The following PTPN12 variants were observed in gnomAD, a reference collection of about 807,000 sequenced individuals.
PTPN12 encodes the protein protein tyrosine phosphatase non-receptor type 12, also known as tyrosine-protein phosphatase non-receptor type 12.
Under a neutral mutation model 97.6 loss-of-function variants are expected in PTPN12, and 29 were observed. That is an observed-to-expected ratio of 0.30 (90% CI 0.22 to 0.41). PTPN12 has a LOEUF of 0.41. Among genes scored for constraint, PTPN12 ranks in the 10% least tolerant of loss-of-function variants. The pLI is 1.00. For synonymous variants in PTPN12, 327 were observed against 300.4 expected (o/e 1.09, Z -0.91); for missense variants, 819 against 926.0 (o/e 0.88, Z 1.50).
chr7:77,625,472 G>GCTCGCTCGCGCGCGCTCTCTCT, intron 12 of PTPN12, among the ~76,000 whole-genome samples: 8 of 33,524 alleles, frequency 2.4e-4, no homozygotes, highest in Non-Finnish European at 4.0e-4. Context: ...CAGGCTGCTC[G>GCTCGCTCGCGCGCGCTCTCTCT]CTCTCTCTCT....
chr7:77,576,873 G>A (rs1787360695), intron 2 of PTPN12, among the ~76,000 whole-genome samples: 2 of 152,216 alleles, frequency 1.3e-5, no homozygotes, highest in Non-Finnish European at 1.5e-5. Context: ...TGCAGAAGAT[G>A]CAGGCAGGTG....
chr7:77,551,609 G>C (rs1381239410), intron 1 of PTPN12, among the ~76,000 whole-genome samples: 1 of 152,122 alleles, frequency 6.6e-6, no homozygotes, highest in Non-Finnish European at 1.5e-5. Context: ...TCAACATCAC[G>C]TTGTCCTTTC....
chr7:77,635,508 A>G (rs1281278054), intron 14 of PTPN12, among the ~76,000 whole-genome samples: 1 of 152,222 alleles, frequency 6.6e-6, no homozygotes, highest in Non-Finnish European at 1.5e-5. Context: ...AGTATACTTC[A>G]CTTGTCTGTC....
intron 1 of PTPN12, among the ~76,000 whole-genome samples, chr7:77,545,527 C>A (rs1227702585): frequency 6.6e-6 from 1 of 151,982 alleles, no homozygotes; most frequent in African/African-American, 2.4e-5. Flanking sequence ...CTTTTTCAAA[C>A]TGTAATTATG....
chr7:77,629,866 A>G (rs1457284883), intron 13 of PTPN12, among the ~76,000 whole-genome samples: 3 of 150,718 alleles, frequency 2.0e-5, no homozygotes, highest in Admixed American at 6.6e-5. Flanking sequence ...ACTTGAGCCT[A>G]GGAGCTCAAG....
Position 77,626,712 on chromosome 7 carries a change from G to A in PTPN12, c.1033G>A (p.Val345Ile). The change falls in exon 13 of 18, where the codon GTT becomes ATT. Residue 345 changes from valine to isoleucine, a missense_variant. Val to Ile is a conservative substitution (Grantham distance 29, BLOSUM62 3). Coordinates refer to ENST00000248594, the MANE Select transcript of PTPN12 (RefSeq NM_002835.4). ...PKPPRTRSCL[V>I]EGDAKEEILQ... is the part of the protein sequence containing the mutation. ...TAAATGTTTGTTTTTCAGTTGCCTT[G>A]TTGAAGGGGATGCTAAAGAAGAAAT... The A allele has an allele frequency of 2.5e-6, 4 of 1,595,138 alleles. No homozygotes were observed. The highest frequency in any genetic ancestry group is 3.4e-6 in the Non-Finnish European group (4 of 1,171,312).
intron 2 of PTPN12, among the ~76,000 whole-genome samples, chr7:77,573,248 G>A (rs190396498): frequency 8.9e-4 from 136 of 152,114 alleles, no homozygotes; most frequent in Non-Finnish European, 1.6e-3. Context: ...AGTCTGTTCA[G>A]GCTATTACAG....
intron 1 of PTPN12, among the ~76,000 whole-genome samples, chr7:77,560,634 A>T (rs1232157663): frequency 6.6e-6 from 1 of 152,154 alleles, no homozygotes; most frequent in Non-Finnish European, 1.5e-5. Flanking sequence ...TGCCTCATAT[A>T]ATTAGGATTA....
At chr7:77,597,748 A>G in intron 6 of PTPN12, 94 bp from the exon 7 acceptor site, 2 of 1,401,744 alleles carry the variant, frequency 1.4e-6, no homozygotes, top group Admixed American at 2.8e-5. Flanking sequence ...GATTAATTTT[A>G]TATTGTGGAC....
intron 14 of PTPN12, among the ~76,000 whole-genome samples, chr7:77,635,319 C>G (rs552232288): frequency 6.6e-6 from 1 of 152,290 alleles, no homozygotes; most frequent in Non-Finnish European, 1.5e-5. Context: ...GTCCCAGCTA[C>G]TCAAGAAGCT....
chr7:77,603,863 G>A (rs1788263913), intron 8 of PTPN12, among the ~76,000 whole-genome samples: 1 of 144,350 alleles, frequency 6.9e-6, no homozygotes, highest in South Asian at 2.2e-4. Flanking sequence ...CCCCAATACT[G>A]TGTGTTATCT....
At chr7:77,549,011 GT>G in intron 1 of PTPN12, among the ~76,000 whole-genome samples, 1 of 152,264 alleles carries the variant, frequency 6.6e-6, no homozygotes. Flanking sequence ...ATCCCTTATG[GT>G]AATCTAACCT....
intron 3 of PTPN12, among the ~76,000 whole-genome samples, chr7:77,582,084 CTTTTTTTTTT>C (rs11341609): frequency 2.3e-3 from 119 of 52,866 alleles, no homozygotes; most frequent in African/African-American, 8.5e-3. Flanking sequence ...CAGTCAAGTT[CTTTTTTTTTT>C]TTTTTTTTTT....
intron 1 of PTPN12, among the ~76,000 whole-genome samples, chr7:77,562,307 G>A (rs1196740163): frequency 1.3e-5 from 2 of 152,086 alleles, no homozygotes; most frequent in Non-Finnish European, 2.9e-5. Context: ...CACCCACCTC[G>A]GCCCCAAAGT....
chr7:77,584,551 C>T (rs1787624720), intron 4 of PTPN12, among the ~76,000 whole-genome samples: 1 of 152,006 alleles, frequency 6.6e-6, no homozygotes, highest in Admixed American at 6.6e-5. Context: ...AAATTTGCCT[C>T]AAGGGAAAAA....
At chr7:77,543,365 A>G (rs1388823259) in intron 1 of PTPN12, among the ~76,000 whole-genome samples, 1 of 148,350 alleles carries the variant, frequency 6.7e-6, no homozygotes, top group East Asian at 2.0e-4. Context: ...TTTTTTAAAG[A>G]GAGAACTAGA....
chr7:77,582,322 T>C (rs1056659668), intron 3 of PTPN12, among the ~76,000 whole-genome samples: 1 of 152,024 alleles, frequency 6.6e-6, no homozygotes, highest in Non-Finnish European at 1.5e-5. Flanking sequence ...GCAGTAGAGA[T>C]AGATGCAAAG....
chr7:77,594,410 T>C (rs1006612202), intron 6 of PTPN12, among the ~76,000 whole-genome samples: 7 of 152,188 alleles, frequency 4.6e-5, no homozygotes, highest in African/African-American at 1.7e-4. Context: ...CCTTCACCAA[T>C]CCAGAAAGAA....
intron 11 of PTPN12, among the ~76,000 whole-genome samples, chr7:77,612,573 G>A (rs1788606175): frequency 6.6e-6 from 1 of 151,816 alleles, no homozygotes; most frequent in African/African-American, 2.4e-5. Context: ...CTAGTAGCTG[G>A]GATCACAAGC....
Sources: gnomAD v4.1 joint callset for allele counts (sites outside exome capture counted in the v4.1 genomes callset) on GRCh38, gnomAD v4.1.1 for gene constraint, MANE v1.5 for transcripts, NCBI Gene and HGNC (gene_info 2026-07-23, HGNC 2026-07-21) for gene names.